SECTM1: variants seen among roughly 807,000 people sequenced by gnomAD.
The protein encoded by SECTM1 is secreted and transmembrane 1, also known as secreted and transmembrane protein 1.
SECTM1 carries 10 observed loss-of-function variants against 18.1 expected under a neutral mutation model. That is an observed-to-expected ratio of 0.55 (90% CI 0.34 to 0.94). SECTM1 has a LOEUF of 0.94. SECTM1 is among the 40% of genes least tolerant of loss of function. The probability of loss-of-function intolerance (pLI) is 0.02; values close to 1 mark genes in which losing one functional copy is unlikely to be tolerated. For missense variants in SECTM1, 297 were observed against 322.6 expected, an observed-to-expected ratio of 0.92 and a Z score of 0.61; for synonymous variants, 137 against 139.2, an observed-to-expected ratio of 0.98 and a Z score of 0.11.
rs966743210 is a variant in SECTM1 at position 82,328,462 on chromosome 17, C to G, written c.-52-1170G>C. 3.3e-5 allele frequency: 5 copies of G among 152,332 alleles called. No individual in the cohort carries two copies. The highest frequency in any genetic ancestry group is 1.2e-4 in the African/African-American group (5 of 41,444). 9.4% of individuals were successfully genotyped at this position (152,332 alleles called of 1,614,324 possible). ...GGATGAGGGTCCCTGTGTGGAAGCT[C>G]CACAAAGCCCCACCTGCCTCCACGC... On this transcript the variant is annotated intron_variant, in intron 1 of 4. Transcript: ENST00000269389. The surrounding 1 kb of genome is among the most constrained non-coding windows in gnomAD (Gnocchi z 5.8).
At chr17:82,327,006 T>G in intron 2 of SECTM1, 141 bp downstream of exon 2, 1 of 628,760 alleles carries the variant, frequency 1.6e-6, no homozygotes, top group Non-Finnish European at 2.8e-6. Context: ...CTCCACATGG[T>G]CAGGCCCTGG....
Position 82,325,148 on chromosome 17 carries a change from G to A in SECTM1, c.95-258C>T, listed in dbSNP as rs954255679. The stretch of plus-strand genomic sequence containing the variant: ...CACACCCACGTCTGTTCCTTGGGGT[G>A]TGTCAGCTTGGACGAAGGCATTTCC... On this transcript the variant is annotated intron_variant, in intron 2 of 4. Coordinates refer to ENST00000269389, the MANE Select transcript of SECTM1 (RefSeq NM_003004.3). This position sits in a 1 kb window ranked among gnomAD's most constrained non-coding sequence, Gnocchi z 7.6. Among the ~76,000 whole-genome samples the A allele has an allele frequency of 1.3e-5, 2 of 152,206 alleles. No homozygotes were observed. Among genetic ancestry groups the A allele is most frequent in the African/African-American group, 4.8e-5 (2 of 41,456 alleles).
chr17:82,331,520 C>T (rs1394145219), intron 1 of SECTM1, among the ~76,000 whole-genome samples: 2 of 152,214 alleles, frequency 1.3e-5, no homozygotes, highest in African/African-American at 4.8e-5. Flanking sequence ...AAGCTTGTCC[C>T]GTGGGACACT....
At position 82,333,700 on chromosome 17, in the gene SECTM1, C is replaced by T. The variant is rs545814942; in HGVS notation, c.-53G>A. On this transcript the variant is annotated splice_region_variant and 5_prime_UTR_variant, in exon 1 of 5. Transcript: ENST00000269389. The stretch of plus-strand genomic sequence containing the variant: ...CCGCCCGCCCCTCTCCGCGCCTCAC[C>T]GGGTCCGCTCCTGGACGCGCTCCTC... The T allele has an allele frequency of 2.0e-4, 31 of 154,954 alleles. No homozygotes were observed. The highest frequency in any genetic ancestry group is 7.0e-4 in the African/African-American group (29 of 41,536). The allele number at this position is 154,954 out of a possible 1,614,324, so 9.6% of individuals were successfully genotyped here. A position where few individuals can be genotyped will look rare whatever the true frequency, so the allele number is the denominator to read the frequency against.
In SECTM1 at chr17:82,329,374, G is replaced by A. The variant is rs1335739283; in HGVS notation, c.-52-2082C>T. 2.0e-5 allele frequency: 3 copies of A among 152,470 alleles called. No individual in the cohort carries two copies. The highest frequency in any genetic ancestry group is 7.2e-5 in the African/African-American group (3 of 41,446). 9.4% of individuals were successfully genotyped at this position (152,470 alleles called of 1,614,324 possible). ...GAGGTGCTGCTGAGGCTCAGGGATG[G>A]TCCCACATTGGCGCAGGCTGCGGGT... On this transcript the variant is annotated intron_variant, in intron 1 of 4. Coordinates refer to ENST00000269389, the MANE Select transcript of SECTM1 (RefSeq NM_003004.3). The surrounding 1 kb of genome is among the most constrained non-coding windows in gnomAD (Gnocchi z 7.6).
rs908888734 is a variant in SECTM1, at chr17:82,321,873, C to T, written c.*288G>A. 30 of 418,716 alleles carry T rather than the reference C, an allele frequency of 7.2e-5. No individual in the cohort carries two copies. The highest frequency in any genetic ancestry group is 1.3e-3 in the Middle Eastern group (2 of 1,502). The allele number at this position is 418,716 out of a possible 1,614,324, so 25.9% of individuals were successfully genotyped here. On this transcript the variant is annotated 3_prime_UTR_variant, in exon 5 of 5. Coordinates refer to ENST00000269389, the MANE Select transcript of SECTM1 (RefSeq NM_003004.3). ...CAGCCTGGGGTGGCAGAAAGGGAGT[C>T]CGGGTCTGTGGGTTTGATGAGGGCA...
In SECTM1 at chr17:82,327,671, T is replaced by TA. The variant is rs1226499154; in HGVS notation, c.-52-380dup. 4.6e-5 allele frequency among the ~76,000 whole-genome samples: 7 copies of TA among 152,220 alleles called. 1 individual carries two copies. In the Middle Eastern group the frequency reaches 0.01, roughly 222 times the overall value. ...AGCCGTGTCTGACCTAACACTATAC[T>TA]AAGACCAGCCTCCAGCCCCAGCCCC... On this transcript the variant is annotated intron_variant, in intron 1 of 4. Coordinates refer to ENST00000269389, the MANE Select transcript of SECTM1 (RefSeq NM_003004.3).
chr17:82,327,503 G>T (rs1195444384), intron 1 of SECTM1, among the ~76,000 whole-genome samples: 1 of 152,226 alleles, frequency 6.6e-6, no homozygotes, highest in Non-Finnish European at 1.5e-5. Flanking sequence ...AGACACGCGG[G>T]GGCGGGAGAC....
In SECTM1 at chr17:82,322,858, T is replaced by G; in HGVS notation, c.537+20A>C. 1 of 1,611,912 alleles carries G rather than the reference T, an allele frequency of 6.2e-7. No homozygotes were observed. The highest frequency in any genetic ancestry group is 1.1e-5 in the South Asian group (1 of 91,014). ...CCAAGACTCCCCACCCCGCACAAAC[T>G]GGGGTGCAGGGCCTCCTACCTCCCG... On this transcript the variant is annotated intron_variant, in intron 4 of 4. Coordinates refer to ENST00000269389, the MANE Select transcript of SECTM1 (RefSeq NM_003004.3).
chr17:82,327,482 C>T (rs191069446), intron 1 of SECTM1, among the ~76,000 whole-genome samples, 190 bp from the exon 2 acceptor site: 9 of 152,286 alleles, frequency 5.9e-5, no homozygotes, highest in East Asian at 3.9e-4. Context: ...GCTGACCTCA[C>T]GAAACAAAGA....
Position 82,327,292 on chromosome 17 carries a change from C to T in SECTM1, c.-52G>A. The stretch of plus-strand genomic sequence containing the variant: ...CTTGTCACTGGCTCTTGAAACACTC[C>T]CTGGAGGAAGGAAAGCCCATGGGTC... On this transcript the variant is annotated splice_region_variant and 5_prime_UTR_variant, in exon 2 of 5. Transcript: ENST00000269389. 6.7e-7 allele frequency: 1 copy of T among 1,501,606 alleles called. No homozygotes were observed. The highest frequency in any genetic ancestry group is 9.1e-7 in the Non-Finnish European group (1 of 1,099,898). 93.0% of individuals were successfully genotyped at this position (1,501,606 alleles called of 1,614,324 possible). A position where few individuals can be genotyped will look rare whatever the true frequency, so the allele number is the denominator to read the frequency against.
chr17:82,331,289 G>A (rs959192417), intron 1 of SECTM1, among the ~76,000 whole-genome samples: 1 of 152,210 alleles, frequency 6.6e-6, no homozygotes, highest in Non-Finnish European at 1.5e-5. Flanking sequence ...GAGACCGGGA[G>A]GAGAGCGGCA....
At chr17:82,323,260 T>G (rs1445573700) in intron 3 of SECTM1, 2 of 515,210 alleles carry the variant, frequency 3.9e-6, no homozygotes, top group African/African-American at 1.9e-5. Flanking sequence ...CATCTACCCC[T>G]GGATGTGCCA....
chr17:82,332,321 G>A (rs963399616), intron 1 of SECTM1, among the ~76,000 whole-genome samples: 3 of 152,182 alleles, frequency 2.0e-5, no homozygotes, highest in Non-Finnish European at 4.4e-5. Context: ...CCAGTGACAC[G>A]CCTAGGAAAG....
At chr17:82,323,397 C>T in intron 3 of SECTM1, 1 of 205,100 alleles carries the variant, frequency 4.9e-6, no homozygotes. Context: ...GAGCCTCATG[C>T]CTGAGCCCAG....
At position 82,329,065 on chromosome 17, in the gene SECTM1, C is replaced by T. The variant is rs2052171684; in HGVS notation, c.-52-1773G>A. On this transcript the variant is annotated intron_variant, in intron 1 of 4. Coordinates refer to ENST00000269389, the MANE Select transcript of SECTM1 (RefSeq NM_003004.3). This position sits in a 1 kb window ranked among gnomAD's most constrained non-coding sequence, Gnocchi z 7.6. ...GTGTCACAGCAGGACACGTCACCAA[C>T]CCCGGGGACCCCATGTTACCAGGGG... 6.6e-6 allele frequency among the ~76,000 whole-genome samples: 1 copy of T among 152,228 alleles called. No homozygotes were observed. The highest frequency in any genetic ancestry group is 2.1e-4 in the South Asian group (1 of 4,834).
rs558012153 is a variant in SECTM1 at position 82,329,945 on chromosome 17, G to A, written c.-52-2653C>T. Among the ~76,000 whole-genome samples the A allele has an allele frequency of 6.6e-6, 1 of 152,322 alleles. No homozygotes were observed. The highest frequency in any genetic ancestry group is 2.4e-5 in the African/African-American group (1 of 41,576). ...CAGCACCCGAGGCTTCATCCCATCTGCATAGTCTCTTTGCCATGTCAGGTT... is the reference window on the plus strand; with the variant it reads ...CAGCACCCGAGGCTTCATCCCATCTACATAGTCTCTTTGCCATGTCAGGTT... On this transcript the variant is annotated intron_variant, in intron 1 of 4. Coordinates refer to ENST00000269389, the MANE Select transcript of SECTM1 (RefSeq NM_003004.3). The surrounding 1 kb of genome is among the most constrained non-coding windows in gnomAD (Gnocchi z 7.6).
chr17:82,322,981 C>A lies in SECTM1; in HGVS notation c.434G>T (p.Gly145Val). 1.2e-6 allele frequency: 2 copies of A among 1,613,678 alleles called. No individual in the cohort carries two copies. Among genetic ancestry groups the A allele is most frequent in the East Asian group, 4.5e-5 (2 of 44,874 alleles). ...GAEPQSAPDT[G>V]FWPVPAVVTA... is the part of the protein sequence containing the mutation. ...GACCACCGCTGGCACAGGCCAGAAC[C>A]CAGTGTCGGGGGCGGACTGGGGTTC... is the stretch of plus-strand genomic sequence containing the variant. The change falls in exon 4 of 5, where the codon GGG (glycine) becomes GTG (valine). Residue 145 changes from glycine to valine, a missense_variant. Coordinates refer to ENST00000269389, the MANE Select transcript of SECTM1 (RefSeq NM_003004.3).
Position 82,322,907 on chromosome 17 carries a change from T to G in SECTM1, c.508A>C (p.Arg170=), listed in dbSNP as rs756602234. ...CGGCGTTGCTGGGAACAGCGGCACC[T>G]GTACCAGGCGAACATGACCAGAGCG... ...LVALVMFAWY[R]CRCSQQRREK... The change falls in exon 4 of 5, where the codon AGG becomes CGG. Residue 170 remains arginine (R), a synonymous_variant. Coordinates refer to ENST00000269389, the MANE Select transcript of SECTM1 (RefSeq NM_003004.3). 1.9e-6 allele frequency: 3 copies of G among 1,613,830 alleles called. No homozygotes were observed. Among genetic ancestry groups the G allele is most frequent in the Middle Eastern group, 1.6e-4 (1 of 6,062 alleles).
Sources: gnomAD v4.1 joint callset for allele counts (sites outside exome capture counted in the v4.1 genomes callset) on GRCh38, gnomAD v4.1.1 for gene constraint, Gnocchi (gnomAD v3.1) non-coding constraint, MANE v1.5 for transcripts, NCBI Gene and HGNC (gene_info 2026-07-23, HGNC 2026-07-21) for gene names.